The following BTF3 variants were observed in gnomAD, a reference collection of about 807,000 sequenced individuals.
The protein encoded by BTF3 is transcription factor BTF3.
A neutral mutation model predicts 23.9 loss-of-function variants in BTF3; 12 were observed. The observed-to-expected ratio is 0.50, with a 90% CI of 0.32 to 0.81. The LOEUF (loss-of-function observed/expected upper bound fraction) is 0.81, where lower values mean the gene tolerates loss of function less well. BTF3 is among the 40% of genes least tolerant of loss of function. The pLI, the probability that BTF3 is intolerant of heterozygous loss-of-function variation, is 0.03. For missense variants in BTF3, 215 were observed against 255.9 expected (o/e 0.84, Z 1.09); for synonymous variants, 96 against 94.8 (o/e 1.01, Z -0.07).
At chr5:73,503,154 T>C (rs1403965923) in intron 4 of BTF3, 37 bp downstream of exon 4, 1 of 1,597,384 alleles carries the variant, frequency 6.3e-7, no homozygotes, top group East Asian at 2.2e-5. Flanking sequence ...AGGGAATTAC[T>C]CATTTAGCAG....
Position 73,498,633 on chromosome 5 carries a change from C to A in BTF3, c.-35C>A. On this transcript the variant is annotated 5_prime_UTR_variant, in exon 1 of 6. Coordinates refer to ENST00000380591, the MANE Select transcript of BTF3 (RefSeq NM_001037637.2). ...CGGGAAGTTCCCTGAAGGAGCGAGA[C>A]AGGGAGGGACAGGGCAGAGGAGGAG... is the stretch of plus-strand genomic sequence containing the variant. The A allele has an allele frequency of 6.9e-7, 1 of 1,450,824 alleles. No individual in the cohort carries two copies. The highest frequency in any genetic ancestry group is 9.0e-7 in the Non-Finnish European group (1 of 1,110,166). 89.9% of individuals were successfully genotyped at this position (1,450,824 alleles called of 1,614,324 possible). A position where few individuals can be genotyped will look rare whatever the true frequency, so the allele number is the denominator to read the frequency against.
chr5:73,498,855 G>A (rs1746358127), intron 1 of BTF3, 56 bp downstream of exon 1: 2 of 1,494,394 alleles, frequency 1.3e-6, no homozygotes, highest in Non-Finnish European at 1.8e-6. Context: ...CTAGGCCGAG[G>A]CCAGGCCAGG....
chr5:73,503,675 A>G (rs1030962879), intron 4 of BTF3, among the ~76,000 whole-genome samples: 2 of 152,208 alleles, frequency 1.3e-5, no homozygotes, highest in African/African-American at 4.8e-5. Flanking sequence ...AGGCTTATAT[A>G]TGGCTCTTTA....
rs148302315 is a variant in BTF3, at chr5:73,504,492, G to A, written c.574+89G>A. ...AGGAAAAACTACCCAGGGAAGAGGG[G>A]TGGTAAGTTAAGATGGACATAGATC... On this transcript the variant is annotated intron_variant, in intron 5 of 5. Transcript: ENST00000380591. 1.7e-5 allele frequency: 18 copies of A among 1,030,668 alleles called. 1 individual carries two copies. The African/African-American group carries it at 2.0e-4, about 11-fold the overall frequency. 63.8% of individuals were successfully genotyped at this position (1,030,668 alleles called of 1,614,324 possible). A position where few individuals can be genotyped will look rare whatever the true frequency, so the allele number is the denominator to read the frequency against.
Position 73,499,130 on chromosome 5 carries a change from C to G in BTF3, c.133-4C>G, listed in dbSNP as rs1746371641. On this transcript the variant is annotated splice_polypyrimidine_tract_variant and splice_region_variant and intron_variant, in intron 1 of 5. Coordinates refer to ENST00000380591, the MANE Select transcript of BTF3 (RefSeq NM_001037637.2). ...TCCTTGCTGAGGATTTCCTCTTTTT[C>G]TAGATGAAAGAAACAATCATGAACC... The G allele has an allele frequency of 5.6e-6, 9 of 1,606,186 alleles. No homozygotes were observed. Among genetic ancestry groups the G allele is most frequent in the Non-Finnish European group, 6.8e-6 (8 of 1,178,326 alleles).
At position 73,499,583 on chromosome 5, in the gene BTF3, G is replaced by A. The variant is rs144766784; in HGVS notation, c.201+381G>A. On this transcript the variant is annotated intron_variant, in intron 2 of 5. Transcript: ENST00000380591. ...CTTGTTTGTCTCTCTTGTAAATTGA[G>A]ACCTTTCTGTACTGCTTTCTGAACT... 1.2e-4 allele frequency: 42 copies of A among 355,542 alleles called. No homozygotes were observed. The East Asian group carries it at 2.7e-3, about 22-fold the overall frequency. 22.0% of individuals were successfully genotyped at this position (355,542 alleles called of 1,614,324 possible).
chr5:73,498,827 G>C (rs528335034), intron 1 of BTF3, 28 bp downstream of exon 1: 2 of 1,503,676 alleles, frequency 1.3e-6, no homozygotes, highest in South Asian at 2.5e-5. Flanking sequence ...GAGAGTGGCC[G>C]GGCCGGGCAG....
intron 2 of BTF3, 60 bp downstream of exon 2, chr5:73,499,262 A>G (rs1561253632): frequency 6.5e-7 from 1 of 1,548,730 alleles, no homozygotes; most frequent in Admixed American, 1.7e-5. Flanking sequence ...ATTTTAAAAA[A>G]CATATTCCTT....
At chr5:73,505,059 T>G in intron 5 of BTF3, 133 bp from the exon 6 acceptor site, 1 of 693,060 alleles carries the variant, frequency 1.4e-6, no homozygotes, top group Non-Finnish European at 2.3e-6. Context: ...TTTTGCATTC[T>G]TGTTCTTGGG....
intron 5 of BTF3, 49 bp from the exon 6 acceptor site, chr5:73,505,139 ATTAT>A (rs1202140800): frequency 1.4e-6 from 2 of 1,427,158 alleles, no homozygotes; most frequent in Admixed American, 3.4e-5. Context: ...ATATCTGATA[ATTAT>A]TTGTAGATTT....
At chr5:73,503,601 T>G (rs1746489439) in intron 4 of BTF3, among the ~76,000 whole-genome samples, 1 of 152,262 alleles carries the variant, frequency 6.6e-6, no homozygotes. Flanking sequence ...TCTGAGGATG[T>G]GGCAGTGTTA....
At chr5:73,499,089 G>C (rs1453140949) in intron 1 of BTF3, 45 bp from the exon 2 acceptor site, 17 of 1,561,048 alleles carry the variant, frequency 1.1e-5, no homozygotes, top group African/African-American at 4.2e-5. Flanking sequence ...TGGAATGCTA[G>C]AGTGAGCTAA....
At chr5:73,504,277 T>TTTTTTTTTTTTTTTTTTTTTA in intron 4 of BTF3, 70 bp from the exon 5 acceptor site, 1 of 645,618 alleles carries the variant, frequency 1.5e-6, no homozygotes, top group Non-Finnish European at 2.3e-6. Context: ...CTTTTTTTTT[T>TTTTTTTTTTTTTTTTTTTTTA]TTTTTTTTTT....
chr5:73,499,718 T>C (rs1010096154), intron 2 of BTF3: 24 of 183,000 alleles, frequency 1.3e-4, no homozygotes, highest in African/African-American at 5.5e-4. Flanking sequence ...CAAGTAGGTA[T>C]CTTTCCTGTT....
At chr5:73,505,113 C>A in intron 5 of BTF3, 79 bp from the exon 6 acceptor site, 1 of 1,125,390 alleles carries the variant, frequency 8.9e-7, no homozygotes, top group Non-Finnish European at 1.3e-6. Context: ...GAATGTCTTT[C>A]CTTCATCCCC....
intron 4 of BTF3, among the ~76,000 whole-genome samples, chr5:73,504,134 T>C (rs1264447903): frequency 1.3e-5 from 2 of 152,158 alleles, no homozygotes; most frequent in African/African-American, 4.8e-5. Flanking sequence ...GAATTTTGTT[T>C]GTTGGCTGTT....
intron 2 of BTF3, among the ~76,000 whole-genome samples, chr5:73,501,441 A>T (rs1424954845): frequency 6.6e-6 from 1 of 152,224 alleles, no homozygotes; most frequent in African/African-American, 2.4e-5. Flanking sequence ...AATAAGTGTT[A>T]TGAAGAGAAA....
intron 4 of BTF3, among the ~76,000 whole-genome samples, chr5:73,503,566 A>G (rs1412862330): frequency 6.6e-6 from 1 of 152,240 alleles, no homozygotes; most frequent in Non-Finnish European, 1.5e-5. Context: ...TATTCGGGGC[A>G]GAAAATAGTG....
At chr5:73,499,394 A>G in intron 2 of BTF3, 192 bp downstream of exon 2, 1 of 694,330 alleles carries the variant, frequency 1.4e-6, no homozygotes, top group Non-Finnish European at 2.6e-6. Context: ...AGCTAAAAAC[A>G]TCGCCTTTGT....
Sources: allele counts gnomAD v4.1 joint callset (sites outside exome capture counted in the v4.1 genomes callset), GRCh38; gene constraint gnomAD v4.1.1; transcripts MANE v1.5; gene names NCBI Gene and HGNC (gene_info 2026-07-23, HGNC 2026-07-21).